Variants in RAB19 observed in about 807,000 individuals in gnomAD.
RAB19 encodes the protein RAB19, member RAS oncogene family.
In RAB19, 21 loss-of-function variants were observed where a neutral mutation model predicts 17.3. The observed-to-expected ratio is 1.21, with a 90% CI of 0.86 to 1.74. The LOEUF is 1.74. Ranked by LOEUF, RAB19 falls within the 40% of genes most tolerant of loss-of-function variation. The pLI, the probability that RAB19 is intolerant of heterozygous loss-of-function variation, is 0.00. For synonymous variants in RAB19, 126 were observed against 110.4 expected (o/e 1.14, Z -0.88); for missense variants, 277 against 286.8 (o/e 0.97, Z 0.25).
chr7:140,411,426 A>G (rs1321251117), intron 2 of RAB19, among the ~76,000 whole-genome samples: 1 of 152,142 alleles, frequency 6.6e-6, no homozygotes, highest in African/African-American at 2.4e-5. Flanking sequence ...TCTCTCTGAC[A>G]GCAGCATCCC....
intron 3 of RAB19, among the ~76,000 whole-genome samples, chr7:140,415,727 C>CAGATCACCTGAGGTCG: frequency 6.6e-6 from 1 of 151,474 alleles, no homozygotes; most frequent in South Asian, 2.1e-4. Context: ...CCAAGGCGGG[C>CAGATCACCTGAGGTCG]GGATTATTTT....
intron 2 of RAB19, among the ~76,000 whole-genome samples, chr7:140,408,412 T>A (rs547320859): frequency 1.4e-4 from 22 of 152,060 alleles, no homozygotes; most frequent in African/African-American, 5.1e-4. Context: ...TACATTTCTC[T>A]AACTATATAA....
rs990532323 is a variant in RAB19, at chr7:140,415,462, G to A, written c.385+3405G>A. On this transcript the variant is annotated intron_variant, in intron 3 of 3. Coordinates refer to ENST00000537763, the MANE Select transcript of RAB19 (RefSeq NM_001008749.3). Reference sequence around the variant, plus strand: ...AGCCAAACTTTCCACTTAAAGTCCTGTTATATTACAGGTCCACAATCACTC... The same window carrying A: ...AGCCAAACTTTCCACTTAAAGTCCTATTATATTACAGGTCCACAATCACTC... 2.0e-5 allele frequency among the ~76,000 whole-genome samples: 3 copies of A among 152,060 alleles called. No individual in the cohort carries two copies. In the South Asian group the frequency reaches 6.2e-4, roughly 32 times the overall value.
rs748650044 is a variant in RAB19 at position 140,415,288 on chromosome 7, T to TG, written c.385+3233dup. ...CAGGGTTTCACCATGTTGGCCAGAC[T>TG]GGTCTCAAACTCCTGACCTCAAGTG... is the stretch of plus-strand genomic sequence containing the variant. On this transcript the variant is annotated intron_variant, in intron 3 of 3. Transcript: ENST00000537763. Among the ~76,000 whole-genome samples, 112 of 152,214 alleles carry TG rather than the reference T, an allele frequency of 7.4e-4. 1 individual carries two copies. The highest frequency in any genetic ancestry group is 1.9e-3 in the South Asian group (9 of 4,828).
chr7:140,409,847 G>A (rs369791447), intron 2 of RAB19, among the ~76,000 whole-genome samples: 6 of 151,242 alleles, frequency 4.0e-5, no homozygotes, highest in African/African-American at 1.5e-4. Flanking sequence ...CAAAAAATCA[G>A]CCGGGCCTGG....
At chr7:140,414,676 C>T (rs1799423523) in intron 3 of RAB19, among the ~76,000 whole-genome samples, 1 of 152,170 alleles carries the variant, frequency 6.6e-6, no homozygotes, top group Admixed American at 6.5e-5. Flanking sequence ...TGTTCGTGGC[C>T]TCCCTGCCTG....
intron 3 of RAB19, among the ~76,000 whole-genome samples, chr7:140,421,267 C>T (rs1041488413): frequency 6.6e-6 from 1 of 152,172 alleles, no homozygotes; most frequent in Non-Finnish European, 1.5e-5. Flanking sequence ...TCCTAGCTTA[C>T]AGCAGCTTCG....
intron 3 of RAB19, among the ~76,000 whole-genome samples, chr7:140,415,110 T>C (rs1585423138): frequency 6.6e-6 from 1 of 151,742 alleles, no homozygotes; most frequent in Non-Finnish European, 1.5e-5. Flanking sequence ...GGTCTTGCTC[T>C]GTCGCCCAGG....
intron 3 of RAB19, among the ~76,000 whole-genome samples, chr7:140,412,557 G>C (rs909556849): frequency 2.6e-5 from 4 of 150,998 alleles, no homozygotes; most frequent in African/African-American, 9.7e-5. Flanking sequence ...TTGTAAAGAC[G>C]GGGTTTTGCC....
Position 140,407,865 on chromosome 7 carries a change from C to A in RAB19, c.201+18C>A. 2 of 1,214,346 alleles carry A rather than the reference C, an allele frequency of 1.6e-6. No individual in the cohort carries two copies. Among genetic ancestry groups the A allele is most frequent in the Non-Finnish European group, 2.4e-6 (2 of 836,050 alleles). The allele number at this position is 1,214,346 out of a possible 1,614,324, so 75.2% of individuals were successfully genotyped here. A position where few individuals can be genotyped will look rare whatever the true frequency, so the allele number is the denominator to read the frequency against. Reference sequence around the variant, plus strand: ...AAGTGAAGGTCAGAGGGCACCGGGACGGGACTGGTTCCACCTTTTTTTTTT... The same window carrying A: ...AAGTGAAGGTCAGAGGGCACCGGGAAGGGACTGGTTCCACCTTTTTTTTTT... On this transcript the variant is annotated intron_variant, in intron 2 of 3. Coordinates refer to ENST00000537763, the MANE Select transcript of RAB19 (RefSeq NM_001008749.3).
chr7:140,413,011 A>G (rs1442653875), intron 3 of RAB19, among the ~76,000 whole-genome samples: 1 of 152,052 alleles, frequency 6.6e-6, no homozygotes, highest in Non-Finnish European at 1.5e-5. Flanking sequence ...CTGCAGTCCC[A>G]GCTACTCAGG....
intron 3 of RAB19, among the ~76,000 whole-genome samples, chr7:140,413,602 G>A (rs541710550): frequency 3.3e-5 from 5 of 152,250 alleles, no homozygotes; most frequent in African/African-American, 9.6e-5. Context: ...TTGAGAGGTT[G>A]GGGTGGGGGG....
In RAB19 at chr7:140,426,384, G is replaced by A. The variant is rs1404867398; in HGVS notation, c.*234G>A. ...TGTTTTCACTGACTCTTGACTCCTG[G>A]AGAAGGCAGGACTTCAGGCTAGGAG... On this transcript the variant is annotated 3_prime_UTR_variant, in exon 4 of 4. Transcript: ENST00000537763. 6 of 515,540 alleles carry A rather than the reference G, an allele frequency of 1.2e-5. No homozygotes were observed. The highest frequency in any genetic ancestry group is 1.9e-5 in the African/African-American group (1 of 52,568). The allele number at this position is 515,540 out of a possible 1,614,324, so 31.9% of individuals were successfully genotyped here.
Position 140,425,864 on chromosome 7 carries a change from C to T in RAB19, c.386-18C>T. 2 of 1,595,902 alleles carry T rather than the reference C, an allele frequency of 1.3e-6. No individual in the cohort carries two copies. Among genetic ancestry groups the T allele is most frequent in the Non-Finnish European group, 1.7e-6 (2 of 1,170,046 alleles). ...ATTAAGTTACTCAATGGAATATCGGCTTATCTTTTCCTTCCAGGAAATAAA... is the reference window on the plus strand; with the variant it reads ...ATTAAGTTACTCAATGGAATATCGGTTTATCTTTTCCTTCCAGGAAATAAA... On this transcript the variant is annotated intron_variant, in intron 3 of 3. Coordinates refer to ENST00000537763, the MANE Select transcript of RAB19 (RefSeq NM_001008749.3).
intron 2 of RAB19, 144 bp downstream of exon 2, chr7:140,407,991 C>G (rs2130088385): frequency 2.9e-6 from 2 of 697,388 alleles, no homozygotes; most frequent in South Asian, 4.0e-5. Context: ...CAGCCTCCAG[C>G]CTCAGCCTCC....
chr7:140,422,424 C>A (rs1398935680), intron 3 of RAB19, among the ~76,000 whole-genome samples: 1 of 151,408 alleles, frequency 6.6e-6, no homozygotes, highest in African/African-American at 2.4e-5. Flanking sequence ...TGCTCTGTGG[C>A]ACCATCTTTT....
chr7:140,415,594 G>A (rs1428223815), intron 3 of RAB19, among the ~76,000 whole-genome samples: 6 of 152,112 alleles, frequency 3.9e-5, no homozygotes, highest in East Asian at 3.8e-4. Flanking sequence ...GGCCAATGCC[G>A]CATGGCCAAA....
At chr7:140,410,395 C>T (rs1449349029) in intron 2 of RAB19, among the ~76,000 whole-genome samples, 3 of 134,696 alleles carry the variant, frequency 2.2e-5, no homozygotes, top group African/African-American at 5.6e-5. Flanking sequence ...GGCGCAATCT[C>T]GGCTCACTGT....
chr7:140,416,327 T>TA (rs58370797), intron 3 of RAB19, among the ~76,000 whole-genome samples: 38 of 152,072 alleles, frequency 2.5e-4, no homozygotes, highest in African/African-American at 6.7e-4. Flanking sequence ...AAACTCTGTC[T>TA]AAAAAATCAA....
Sources: allele counts gnomAD v4.1 joint callset (sites outside exome capture counted in the v4.1 genomes callset), GRCh38; gene constraint gnomAD v4.1.1; transcripts MANE v1.5; gene names NCBI Gene and HGNC (gene_info 2026-07-23, HGNC 2026-07-21).